Variants in CTNNA2 observed in about 807,000 individuals in gnomAD.
CTNNA2 encodes the protein catenin alpha 2.
In CTNNA2, 42 loss-of-function variants were observed where a neutral mutation model predicts 101.0. The ratio of observed to expected loss-of-function variants is 0.42; its 90% CI spans 0.32 to 0.54. The LOEUF (loss-of-function observed/expected upper bound fraction) is 0.54, where lower values mean the gene tolerates loss of function less well. Ranked by LOEUF, CTNNA2 falls within the 20% of genes least tolerant of loss-of-function variation. The pLI is 0.14. For missense variants in CTNNA2, 871 were observed against 1,223.1 expected, an observed-to-expected ratio of 0.71 and a Z score of 4.29; for synonymous variants, 450 against 456.4, an observed-to-expected ratio of 0.99 and a Z score of 0.18.
At chr2:80,266,999 A>C (rs1673049471) in intron 7 of CTNNA2, among the ~76,000 whole-genome samples, 1 of 152,166 alleles carries the variant, frequency 6.6e-6, no homozygotes, top group African/African-American at 2.4e-5. Flanking sequence ...TCCCTTGGAG[A>C]ATTGAGAAAA....
intron 1 of CTNNA2, among the ~76,000 whole-genome samples, chr2:79,611,929 A>C (rs1252136962): frequency 6.6e-6 from 1 of 152,162 alleles, no homozygotes; most frequent in African/African-American, 2.4e-5. Context: ...GCTGTTTTAA[A>C]TGTCACTTCT....
At chr2:80,331,279 GT>G (rs1234768156) in intron 7 of CTNNA2, among the ~76,000 whole-genome samples, 2 of 152,166 alleles carry the variant, frequency 1.3e-5, no homozygotes, top group Admixed American at 1.3e-4. Flanking sequence ...GGCAGGATTT[GT>G]GTTTGCTGTC....
intron 15 of CTNNA2, among the ~76,000 whole-genome samples, chr2:80,599,839 A>G (rs189527005): frequency 6.6e-6 from 1 of 151,898 alleles, no homozygotes; most frequent in East Asian, 1.9e-4. Context: ...TTAGTTACAT[A>G]TGTATACATG....
At chr2:80,424,966 T>C (rs1280327924) in intron 9 of CTNNA2, among the ~76,000 whole-genome samples, 1 of 152,196 alleles carries the variant, frequency 6.6e-6, no homozygotes, top group Non-Finnish European at 1.5e-5. Flanking sequence ...CTCCATTTTC[T>C]GCCTCCTCAG....
chr2:80,523,222 A>T (rs2149578336), intron 9 of CTNNA2, among the ~76,000 whole-genome samples: 1 of 152,306 alleles, frequency 6.6e-6, no homozygotes, highest in East Asian at 1.9e-4. Flanking sequence ...AAGCAGCCTC[A>T]GTGGGAGAGC....
At chr2:80,394,681 CT>C (rs1677836363) in intron 8 of CTNNA2, among the ~76,000 whole-genome samples, 1 of 152,126 alleles carries the variant, frequency 6.6e-6, no homozygotes, top group African/African-American at 2.4e-5. Context: ...TTAGTGTTAG[CT>C]CTGCCGCTAA....
At chr2:79,689,943 G>A (rs1684180023) in intron 2 of CTNNA2, among the ~76,000 whole-genome samples, 1 of 151,732 alleles carries the variant, frequency 6.6e-6, no homozygotes, top group Non-Finnish European at 1.5e-5. Flanking sequence ...TGAAAATCCA[G>A]AAAAAATATA....
At chr2:79,563,177 A>G (rs935153001) in intron 1 of CTNNA2, among the ~76,000 whole-genome samples, 2 of 93,860 alleles carry the variant, frequency 2.1e-5, no homozygotes, top group Non-Finnish European at 5.1e-5. Context: ...ATATATATAT[A>G]TATATATATA....
Position 79,897,213 on chromosome 2 carries a change from T to C in CTNNA2, c.853-12381T>C, listed in dbSNP as rs1353029887. Among the ~76,000 whole-genome samples the C allele has an allele frequency of 3.3e-5, 5 of 151,980 alleles. No homozygotes were observed. The East Asian group carries it at 9.7e-4, about 29-fold the overall frequency. On this transcript the variant is annotated intron_variant, in intron 6 of 18. Transcript: ENST00000402739. ...GTAAGAGTCCAGCATCTGAAACTTG[T>C]CGGGTCCTAGATAATAACCTATTAC...
At chr2:80,109,325 G>A (rs1244946553) in intron 7 of CTNNA2, among the ~76,000 whole-genome samples, 1 of 152,164 alleles carries the variant, frequency 6.6e-6, no homozygotes, top group East Asian at 1.9e-4. Context: ...GCCAGGCATG[G>A]TGGAGAGCGC....
chr2:80,243,050 G>C (rs1054561269), intron 7 of CTNNA2, among the ~76,000 whole-genome samples: 1 of 152,128 alleles, frequency 6.6e-6, no homozygotes, highest in Non-Finnish European at 1.5e-5. Flanking sequence ...CACAAGTATC[G>C]GTCAGGTTGT....
intron 1 of CTNNA2, among the ~76,000 whole-genome samples, chr2:79,610,481 C>G (rs1678196301): frequency 6.6e-6 from 1 of 152,026 alleles, no homozygotes; most frequent in Non-Finnish European, 1.5e-5. Context: ...TGTTCATCAA[C>G]AAATGAATAT....
intron 9 of CTNNA2, among the ~76,000 whole-genome samples, chr2:80,510,606 T>A (rs531593276): frequency 6.6e-6 from 1 of 152,342 alleles, no homozygotes; most frequent in South Asian, 2.1e-4. Flanking sequence ...TTTTTGCTTT[T>A]GAATATATGC....
intron 18 of CTNNA2, among the ~76,000 whole-genome samples, chr2:80,620,047 T>A (rs149182120): frequency 3.3e-5 from 5 of 152,010 alleles, no homozygotes; most frequent in African/African-American, 1.2e-4. Flanking sequence ...CTATTAAAAC[T>A]ATCAAGATGC....
At chr2:80,496,457 A>G (rs1387245602) in intron 9 of CTNNA2, among the ~76,000 whole-genome samples, 1 of 150,602 alleles carries the variant, frequency 6.6e-6, no homozygotes, top group Non-Finnish European at 1.5e-5. Context: ...CTGCATTACC[A>G]CATAATGAGA....
intron 9 of CTNNA2, among the ~76,000 whole-genome samples, chr2:80,501,032 A>G (rs1559161125): frequency 6.6e-6 from 1 of 152,316 alleles, no homozygotes; most frequent in East Asian, 1.9e-4. Flanking sequence ...AATGTAATGA[A>G]TCTCTTGAGC....
At chr2:79,660,385 C>T (rs1681953290) in intron 2 of CTNNA2, among the ~76,000 whole-genome samples, 1 of 150,624 alleles carries the variant, frequency 6.6e-6, no homozygotes, top group Admixed American at 6.6e-5. Flanking sequence ...ATATAGTATA[C>T]ACATACATAT....
chr2:80,382,952 A>G (rs973035076), intron 7 of CTNNA2, among the ~76,000 whole-genome samples: 1 of 152,196 alleles, frequency 6.6e-6, no homozygotes, highest in African/African-American at 2.4e-5. Context: ...TATAAAATCA[A>G]TGGGAATTTG....
At chr2:79,517,553 TTTC>T (rs1220021081) in intron 1 of CTNNA2, among the ~76,000 whole-genome samples, 3 of 152,184 alleles carry the variant, frequency 2.0e-5, no homozygotes, top group Non-Finnish European at 4.4e-5. Flanking sequence ...TGTTGAGATC[TTTC>T]TTAATTGATG....
Sources: gnomAD v4.1 joint callset for allele counts (sites outside exome capture counted in the v4.1 genomes callset) on GRCh38, gnomAD v4.1.1 for gene constraint, MANE v1.5 for transcripts, NCBI Gene and HGNC (gene_info 2026-07-23, HGNC 2026-07-21) for gene names.